The following KLHDC7B variants were observed in gnomAD, a reference collection of about 807,000 sequenced individuals.
KLHDC7B encodes the protein kelch domain containing 7B.
A neutral mutation model predicts 0.6 loss-of-function variants in KLHDC7B; 1 was observed. The observed-to-expected ratio is 1.71, with a 90% CI of 0.61 to 8.11. The LOEUF (loss-of-function observed/expected upper bound fraction) is 8.11. Among genes scored for constraint, KLHDC7B ranks in the 30% most tolerant of loss-of-function variants. The pLI, the probability that KLHDC7B is intolerant of heterozygous loss-of-function variation, is 0.13. For missense variants in KLHDC7B, 993 were observed against 894.9 expected, an observed-to-expected ratio of 1.11 and a Z score of -1.40; for synonymous variants, 462 against 405.2, an observed-to-expected ratio of 1.14 and a Z score of -1.68.
chr22:50,548,575 G>A lies in KLHDC7B; in HGVS notation c.2332G>A (p.Glu778Lys), dbSNP rs1450891602. The A allele has an allele frequency of 2.6e-6, 4 of 1,547,368 alleles. No individual in the cohort carries two copies. Among genetic ancestry groups the A allele is most frequent in the South Asian group, 2.4e-5 (2 of 84,120 alleles). The change falls in exon 1 of 1, where the codon GAA becomes AAA. Residue 778 changes from glutamate (E) to lysine (K), a missense_variant. Coordinates refer to ENST00000648057, the MANE Select transcript of KLHDC7B (RefSeq NM_138433.5). The surrounding 1 kb of genome is among the most constrained non-coding windows in gnomAD (Gnocchi z 5.3). The part of the protein sequence containing the change: ...VPQLRKRSRC[E>K]IAPSSEQEVR... Reference sequence around the variant, plus strand: ...CCAGCTACGGAAACGCAGCAGGTGCGAAATCGCCCCGAGCTCGGAGCAGGA... The same window carrying A: ...CCAGCTACGGAAACGCAGCAGGTGCAAAATCGCCCCGAGCTCGGAGCAGGA...
Position 50,548,819 on chromosome 22 carries a change from T to G in KLHDC7B, c.2576T>G (p.Leu859Arg), listed in dbSNP as rs867718674. Residue 859 changes from leucine (L) to arginine (R), a missense_variant, in exon 1 of 1, where the codon CTG (leucine) becomes CGG (arginine). Physicochemically the swap from Leu to Arg is moderately radical, Grantham distance 102 (BLOSUM62 -2). Coordinates refer to ENST00000648057, the MANE Select transcript of KLHDC7B (RefSeq NM_138433.5). This position sits in a 1 kb window ranked among gnomAD's most constrained non-coding sequence, Gnocchi z 5.3. ...PATAAALRRR[L>R]DLGSCLDVLA... ...ACGGCGGCAGCCCTGCGGCGGCGGCTGGACCTGGGCAGTTGCCTGGACGTG... is the reference window on the plus strand; with the variant it reads ...ACGGCGGCAGCCCTGCGGCGGCGGCGGGACCTGGGCAGTTGCCTGGACGTG... 3 of 1,498,336 alleles carry G rather than the reference T, an allele frequency of 2.0e-6. No homozygotes were observed. Among genetic ancestry groups the G allele is most frequent in the Non-Finnish European group, 2.7e-6 (3 of 1,127,604 alleles). The allele number at this position is 1,498,336 out of a possible 1,614,324, so 92.8% of individuals were successfully genotyped here.
In KLHDC7B at chr22:50,550,004, G is replaced by A; in HGVS notation, c.*53G>A. 2 of 1,456,948 alleles carry A rather than the reference G, an allele frequency of 1.4e-6. No homozygotes were observed. Among genetic ancestry groups the A allele is most frequent in the South Asian group, 1.4e-5 (1 of 69,850 alleles). 90.3% of individuals were successfully genotyped at this position (1,456,948 alleles called of 1,614,324 possible). A position where few individuals can be genotyped will look rare whatever the true frequency, so the allele number is the denominator to read the frequency against. On this transcript the variant is annotated 3_prime_UTR_variant, in exon 1 of 1. Transcript: ENST00000648057. ...CGCTGCTCTCCAGGGAGACCCTCCT[G>A]GGATGGGCCTGAGAGGCCGGGGCTC... is the stretch of plus-strand genomic sequence containing the variant.
At position 50,549,877 on chromosome 22, in the gene KLHDC7B, T is replaced by G; in HGVS notation, c.3634T>G (p.Leu1212Val). Residue 1212 changes from leucine (L) to valine (V), a missense_variant, in exon 1 of 1, where the codon TTG (leucine) becomes GTG (valine). Leu to Val is a conservative substitution (Grantham distance 32, BLOSUM62 1). Coordinates refer to ENST00000648057, the MANE Select transcript of KLHDC7B (RefSeq NM_138433.5). ...FQAKELQPFP[L>V]GSTGVLSPFI... ...GGCCAAGGAGCTGCAGCCCTTCCCC[T>G]TGGGGAGCACCGGGGTCCTCAGTCC... 6.3e-7 allele frequency: 1 copy of G among 1,587,862 alleles called. No individual in the cohort carries two copies. The highest frequency in any genetic ancestry group is 8.6e-7 in the Non-Finnish European group (1 of 1,166,036).
Position 50,549,613 on chromosome 22 carries a change from C to T in KLHDC7B, c.3370C>T (p.Arg1124Trp), listed in dbSNP as rs368782709. The T allele has an allele frequency of 1.2e-5, 19 of 1,558,834 alleles. No individual in the cohort carries two copies. The East Asian group carries it at 2.0e-4, about 17-fold the overall frequency. Residue 1124 changes from arginine (R) to tryptophan (W), a missense_variant, in exon 1 of 1, where the codon CGG (arginine) becomes TGG (tryptophan). Coordinates refer to ENST00000648057, the MANE Select transcript of KLHDC7B (RefSeq NM_138433.5). ...CGAGTGCCCATACAGTGCCAGCCACCGGCGTTCCAGCGACATCGTGGCACT... is the reference window on the plus strand; with the variant it reads ...CGAGTGCCCATACAGTGCCAGCCACTGGCGTTCCAGCGACATCGTGGCACT... ...WDECPYSASH[R>W]RSSDIVALGG...
In KLHDC7B at chr22:50,549,642, G is replaced by C; in HGVS notation, c.3399G>C (p.Gly1133=). 6.4e-7 allele frequency: 1 copy of C among 1,556,504 alleles called. No homozygotes were observed. The highest frequency in any genetic ancestry group is 8.7e-7 in the Non-Finnish European group (1 of 1,148,578). The change falls in exon 1 of 1, where the codon GGG becomes GGC. Residue 1133 remains glycine (G), a synonymous_variant. Transcript: ENST00000648057. The stretch of plus-strand genomic sequence containing the variant: ...GTTCCAGCGACATCGTGGCACTGGG[G>C]GGCTTCCTGTACCGCTTCGACCTGC... ...HRRSSDIVAL[G]GFLYRFDLLR... is the part of the protein sequence containing the mutation.
Position 50,548,862 on chromosome 22 carries a change from G to C in KLHDC7B, c.2619G>C (p.Gln873His), listed in dbSNP as rs1463382568. Residue 873 changes from glutamine (Q) to histidine (H), a missense_variant, in exon 1 of 1, where the codon CAG becomes CAC. Gln to His is a conservative substitution (Grantham distance 24, BLOSUM62 0). Coordinates refer to ENST00000648057, the MANE Select transcript of KLHDC7B (RefSeq NM_138433.5). The surrounding 1 kb of genome is among the most constrained non-coding windows in gnomAD (Gnocchi z 5.3). Reference protein sequence around the residue: ...SCLDVLAFAQQHGEPGLAQET... With the variant: ...SCLDVLAFAQHHGEPGLAQET... ...TGGACGTGCTGGCCTTTGCCCAGCA[G>C]CACGGAGAGCCCGGCCTGGCGCAGG... 6.4e-7 allele frequency: 1 copy of C among 1,559,302 alleles called. No homozygotes were observed. Among genetic ancestry groups the C allele is most frequent in the Non-Finnish European group, 8.7e-7 (1 of 1,155,050 alleles).
Position 50,548,438 on chromosome 22 carries a change from G to T in KLHDC7B, c.2195G>T (p.Ser732Ile), listed in dbSNP as rs747089200. ...AGAGGAGAGGGAACCAGGGAGAAAA[G>T]TCTAGACCCGCTGCCCCAAGCCGCG... ...GLRGEGTREKSLDPLPQAAMP... is the reference protein window; with the variant it reads ...GLRGEGTREKILDPLPQAAMP... The change falls in exon 1 of 1, where the codon AGT becomes ATT. Residue 732 changes from serine (S) to isoleucine (I), a missense_variant. Ser to Ile is a moderately radical substitution (Grantham distance 142, BLOSUM62 -2). Coordinates refer to ENST00000648057, the MANE Select transcript of KLHDC7B (RefSeq NM_138433.5). The surrounding 1 kb of genome is among the most constrained non-coding windows in gnomAD (Gnocchi z 5.3). 11 of 1,579,062 alleles carry T rather than the reference G, an allele frequency of 7.0e-6. No individual in the cohort carries two copies. Among genetic ancestry groups the T allele is most frequent in the Middle Eastern group, 3.3e-4 (2 of 6,024 alleles).
In KLHDC7B at chr22:50,547,329, A is replaced by C. The variant is rs2069741550; in HGVS notation, c.1086A>C (p.Gln362His). Among the ~76,000 whole-genome samples the C allele has an allele frequency of 6.6e-6, 1 of 151,570 alleles. No homozygotes were observed. The change falls in exon 1 of 1, where the codon CAA becomes CAC. Residue 362 changes from glutamine (Q) to histidine (H), a missense_variant. Coordinates refer to ENST00000648057, the MANE Select transcript of KLHDC7B (RefSeq NM_138433.5). ...SPPQGRPLSSQGPGATGAYDA... is the reference protein window; with the variant it reads ...SPPQGRPLSSHGPGATGAYDA... ...CTCAAGGTCGCCCACTCTCGTCCCA[A>C]GGGCCGGGTGCCACAGGGGCCTACG...
Position 50,549,150 on chromosome 22 carries a change from G to T in KLHDC7B, c.2907G>T (p.Arg969=). 6.2e-7 allele frequency: 1 copy of T among 1,604,152 alleles called. No individual in the cohort carries two copies. ...CGCACCTGCATGTGTTCAACCCCCG[G>T]GAGAACACCTGGCGGCCCCTGACCC... ...LPAHLHVFNP[R]ENTWRPLTQV... is the part of the protein sequence containing the mutation. The change falls in exon 1 of 1, where the codon CGG becomes CGT. Residue 969 remains arginine (R), a synonymous_variant. Coordinates refer to ENST00000648057, the MANE Select transcript of KLHDC7B (RefSeq NM_138433.5).
rs2069739336 is a variant in KLHDC7B at position 50,547,184 on chromosome 22, G to C, written c.941G>C (p.Arg314Thr). ...EGSGAKGGWSREASGVPAPGG... is the reference protein window; with the variant it reads ...EGSGAKGGWSTEASGVPAPGG... ...TCTGGGGCCAAGGGTGGCTGGAGCA[G>C]GGAGGCCTCGGGGGTCCCTGCCCCC... The change falls in exon 1 of 1, where the codon AGG becomes ACG. Residue 314 changes from arginine (R) to threonine (T), a missense_variant. Arg to Thr is a moderately conservative substitution (Grantham distance 71). Coordinates refer to ENST00000648057, the MANE Select transcript of KLHDC7B (RefSeq NM_138433.5). Among the ~76,000 whole-genome samples the C allele has an allele frequency of 6.6e-6, 1 of 151,882 alleles. No homozygotes were observed. Among genetic ancestry groups the C allele is most frequent in the Non-Finnish European group, 1.5e-5 (1 of 67,894 alleles).
Position 50,547,989 on chromosome 22 carries a change from TCCAACTCCAGCC to T in KLHDC7B, c.1752_1763del (p.Pro587_Ala590del). 7.8e-6 allele frequency: 2 copies of T among 257,158 alleles called. No individual in the cohort carries two copies. Among genetic ancestry groups the T allele is most frequent in the South Asian group, 4.8e-5 (1 of 20,894 alleles). The allele number at this position is 257,158 out of a possible 1,614,324, so 15.9% of individuals were successfully genotyped here. A position where few individuals can be genotyped will look rare whatever the true frequency, so the allele number is the denominator to read the frequency against. Reference sequence around the variant, plus strand: ...TCCCAACCCCAGCCCTAAGCCCAGCTCCAACTCCAGCCCCAACCCCAGCCGCATCCCCTGCCC... The same window carrying T: ...TCCCAACCCCAGCCCTAAGCCCAGCTCCAACCCCAGCCGCATCCCCTGCCC... On this transcript the variant is annotated inframe_deletion, in exon 1 of 1. Coordinates refer to ENST00000648057, the MANE Select transcript of KLHDC7B (RefSeq NM_138433.5).
In KLHDC7B at chr22:50,549,711, C is replaced by T. The variant is rs780031451; in HGVS notation, c.3468C>T (p.Thr1156=). 11 of 1,581,320 alleles carry T rather than the reference C, an allele frequency of 7.0e-6. No individual in the cohort carries two copies. Among genetic ancestry groups the T allele is most frequent in the East Asian group, 2.2e-5 (1 of 44,528 alleles). ...CCGTGATGCGCTACAACACAGTGAC[C>T]GGCTCCTGGAGCAGGGCTGCCTCCC... The part of the protein sequence containing the change: ...GAAVMRYNTV[T]GSWSRAASLP... The change falls in exon 1 of 1, where the codon ACC becomes ACT. Residue 1156 remains threonine, a synonymous_variant. Transcript: ENST00000648057.
chr22:50,548,488 C>G lies in KLHDC7B; in HGVS notation c.2245C>G (p.Pro749Ala). The change falls in exon 1 of 1, where the codon CCC becomes GCC. Residue 749 changes from proline to alanine, a missense_variant. By Grantham distance (27) the Pro-to-Ala change is conservative. Transcript: ENST00000648057. The surrounding 1 kb of genome is among the most constrained non-coding windows in gnomAD (Gnocchi z 5.3). ...AAMPRGPAQP[P>A]AQRPPGPAAS... ...GATGCCCAGGGGCCCCGCACAGCCC[C>G]CCGCGCAGAGGCCGCCTGGCCCCGC... 6.4e-7 allele frequency: 1 copy of G among 1,569,740 alleles called. No individual in the cohort carries two copies. The highest frequency in any genetic ancestry group is 1.2e-5 in the South Asian group (1 of 86,044).
Position 50,549,826 on chromosome 22 carries a change from G to T in KLHDC7B, c.3583G>T (p.Val1195Phe). ...LNPQVTATFT[V>F]SGGTAQFQAK... is the part of the protein sequence containing the mutation. ...CCCCCAGGTCACTGCCACCTTCACG[G>T]TCTCTGGGGGGACTGCCCAGTTCCA... Residue 1195 changes from valine (V) to phenylalanine (F), a missense_variant, in exon 1 of 1, where the codon GTC becomes TTC. By Grantham distance (50) the Val-to-Phe change is conservative. Coordinates refer to ENST00000648057, the MANE Select transcript of KLHDC7B (RefSeq NM_138433.5). 3.2e-6 allele frequency: 5 copies of T among 1,587,286 alleles called. No individual in the cohort carries two copies. Among genetic ancestry groups the T allele is most frequent in the Non-Finnish European group, 4.3e-6 (5 of 1,167,104 alleles).
chr22:50,548,776 CG>C lies in KLHDC7B; in HGVS notation c.613del (p.Ala205ProfsTer41). On this transcript the variant is annotated frameshift_variant, in exon 1 of 1. Coordinates refer to the KLHDC7B transcript ENST00000395676. LOFTEE classifies it low-confidence loss of function (END_TRUNC). The surrounding 1 kb of genome is among the most constrained non-coding windows in gnomAD (Gnocchi z 5.3). ...GGAGGGGCCCCGGAAGCCCAGCTCC[CG>C]GGCCCTGGAGCCCGCCACGGCGGCA... The C allele has an allele frequency of 1.4e-6, 2 of 1,450,396 alleles. No homozygotes were observed. The highest frequency in any genetic ancestry group is 1.4e-5 in the South Asian group (1 of 69,216). The allele number at this position is 1,450,396 out of a possible 1,614,324, so 89.8% of individuals were successfully genotyped here. A position where few individuals can be genotyped will look rare whatever the true frequency, so the allele number is the denominator to read the frequency against.
In KLHDC7B at chr22:50,547,809, A is replaced by C. The variant is rs2069748236; in HGVS notation, c.1566A>C (p.Pro522=). ...SAPTSTPAPA[P]SPAAAATPAP... ...CAACTTCAACCCCAGCCCCAGCCCC[A>C]AGTCCAGCTGCAGCCGCAACTCCAG... Residue 522 remains proline (P), a synonymous_variant, in exon 1 of 1, where the codon CCA becomes CCC. Transcript: ENST00000648057. Among the ~76,000 whole-genome samples, 1 of 112,820 alleles carries C rather than the reference A, an allele frequency of 8.9e-6. No individual in the cohort carries two copies. Among genetic ancestry groups the C allele is most frequent in the Non-Finnish European group, 1.8e-5 (1 of 55,548 alleles). The allele number at this position is 112,820 out of a possible 152,430, so 74.0% of individuals were successfully genotyped here. A position where few individuals can be genotyped will look rare whatever the true frequency, so the allele number is the denominator to read the frequency against.
Position 50,549,247 on chromosome 22 carries a change from G to A in KLHDC7B, c.3004G>A (p.Gly1002Ser). The A allele has an allele frequency of 6.2e-7, 1 of 1,610,134 alleles. No individual in the cohort carries two copies. The highest frequency in any genetic ancestry group is 1.1e-5 in the South Asian group (1 of 91,090). Reference protein sequence around the residue: ...TMHNYLFLAGGIRGSGAKAVC... With the variant: ...TMHNYLFLAGSIRGSGAKAVC... ...GCACAACTACCTGTTTCTGGCGGGG[G>A]GCATCCGTGGCTCCGGTGCCAAGGC... Residue 1002 changes from glycine (G) to serine (S), a missense_variant, in exon 1 of 1, where the codon GGC (glycine) becomes AGC (serine). Transcript: ENST00000648057.
chr22:50,549,165 G>A lies in KLHDC7B; in HGVS notation c.2922G>A (p.Arg974=), dbSNP rs1236325130. Residue 974 remains arginine (R), a synonymous_variant, in exon 1 of 1, where the codon CGG becomes CGA. Transcript: ENST00000648057. ...HVFNPRENTW[R]PLTQVPEEAP... ...TCAACCCCCGGGAGAACACCTGGCGGCCCCTGACCCAGGTGCCCGAGGAGG... is the reference window on the plus strand; with the variant it reads ...TCAACCCCCGGGAGAACACCTGGCGACCCCTGACCCAGGTGCCCGAGGAGG... 2.5e-5 allele frequency: 40 copies of A among 1,604,614 alleles called. No individual in the cohort carries two copies. Among genetic ancestry groups the A allele is most frequent in the Non-Finnish European group, 3.3e-5 (39 of 1,179,668 alleles).
chr22:50,549,026 T>A lies in KLHDC7B; in HGVS notation c.2783T>A (p.Val928Glu). ...GRGRAVLGVL[V>E]LPSLYQGGRS... Reference sequence around the variant, plus strand: ...GGCCGGGCGGTGCTGGGCGTCCTCGTACTGCCCAGCCTCTACCAGGGGGGC... The same window carrying A: ...GGCCGGGCGGTGCTGGGCGTCCTCGAACTGCCCAGCCTCTACCAGGGGGGC... Residue 928 changes from valine to glutamate, a missense_variant, in exon 1 of 1, where the codon GTA becomes GAA. Transcript: ENST00000648057. 2 of 1,596,608 alleles carry A rather than the reference T, an allele frequency of 1.3e-6. No homozygotes were observed. The highest frequency in any genetic ancestry group is 1.7e-6 in the Non-Finnish European group (2 of 1,176,614).
Sources: allele counts gnomAD v4.1 joint callset (sites outside exome capture counted in the v4.1 genomes callset), GRCh38; gene constraint gnomAD v4.1.1; non-coding constraint Gnocchi (gnomAD v3.1); transcripts MANE v1.5; gene names NCBI Gene and HGNC (gene_info 2026-07-23, HGNC 2026-07-21).